The following MAN2A1 variants were observed in gnomAD, a reference collection of about 807,000 sequenced individuals.
The protein encoded by MAN2A1 is mannosidase alpha class 2A member 1.
Under a neutral mutation model 142.6 loss-of-function variants are expected in MAN2A1, and 76 were observed. The ratio of observed to expected loss-of-function variants is 0.53; its 90% CI spans 0.44 to 0.65. The LOEUF (loss-of-function observed/expected upper bound fraction) is 0.65, where lower values mean the gene tolerates loss of function less well. Among genes scored for constraint, MAN2A1 ranks in the 30% least tolerant of loss-of-function variants. The pLI is 0.00. For synonymous variants in MAN2A1, 559 were observed against 473.2 expected, an observed-to-expected ratio of 1.18 and a Z score of -2.35; for missense variants, 1,311 against 1,365.1, an observed-to-expected ratio of 0.96 and a Z score of 0.62.
Position 109,804,244 on chromosome 5 carries a change from C to T in MAN2A1, c.1944-13029C>T, listed in dbSNP as rs1754105631. The T allele has an allele frequency of 5.1e-6, 5 of 987,198 alleles. No homozygotes were observed. The African/African-American group carries it at 5.2e-5, about 10-fold the overall frequency. The allele number at this position is 987,198 out of a possible 1,614,324, so 61.2% of individuals were successfully genotyped here. A position where few individuals can be genotyped will look rare whatever the true frequency, so the allele number is the denominator to read the frequency against. ...AAAAAGTCAGGGAGGGCTTCAAGCC[C>T]ATCTTGGACTTCAGAACACCTCACA... On this transcript the variant is annotated intron_variant, in intron 12 of 21. Coordinates refer to ENST00000261483, the MANE Select transcript of MAN2A1 (RefSeq NM_002372.4).
chr5:109,867,692 A>G lies in MAN2A1; in HGVS notation c.*694A>G, dbSNP rs554110695. The G allele has an allele frequency of 1.3e-5, 2 of 152,616 alleles. No individual in the cohort carries two copies. The highest frequency in any genetic ancestry group is 2.4e-5 in the African/African-American group (1 of 41,448). 9.5% of individuals were successfully genotyped at this position (152,616 alleles called of 1,614,324 possible). ...ATGTGGGATGGGTGCAATTTATTCC[A>G]TCTTCACTAAAATAGAAGCAATTCC... On this transcript the variant is annotated 3_prime_UTR_variant, in exon 22 of 22. Transcript: ENST00000261483.
intron 12 of MAN2A1, among the ~76,000 whole-genome samples, chr5:109,795,803 G>A (rs1753842172): frequency 6.6e-6 from 1 of 152,128 alleles, no homozygotes; most frequent in Non-Finnish European, 1.5e-5. Flanking sequence ...AGGAAGTTAG[G>A]TAGCTTTTCT....
intron 18 of MAN2A1, among the ~76,000 whole-genome samples, chr5:109,846,776 C>G (rs2112763527): frequency 6.6e-6 from 1 of 152,274 alleles, no homozygotes; most frequent in African/African-American, 2.4e-5. Context: ...GTATCTTACA[C>G]ACACACACAA....
rs1451724279 is a variant in MAN2A1 at position 109,713,518 on chromosome 5, A to G, written c.136-2A>G. The stretch of plus-strand genomic sequence containing the variant: ...TAGCTGCCTTTTTCTTTTTTATTGT[A>G]GGGCCAGCTCTCAATGTTGCAAGAA... On this transcript the variant is annotated splice_acceptor_variant, in intron 1 of 21. Transcript: ENST00000261483. LOFTEE classifies it high-confidence loss of function. 6.3e-7 allele frequency: 1 copy of G among 1,588,188 alleles called. No homozygotes were observed. The highest frequency in any genetic ancestry group is 1.8e-5 in the Admixed American group (1 of 55,804).
chr5:109,836,055 G>A (rs776188218), intron 16 of MAN2A1, among the ~76,000 whole-genome samples: 11 of 152,022 alleles, frequency 7.2e-5, no homozygotes, highest in African/African-American at 1.7e-4. Flanking sequence ...CAGGCATGGC[G>A]TGTGTCGGGC....
chr5:109,702,035 G>A (rs540217659), intron 1 of MAN2A1, among the ~76,000 whole-genome samples: 3 of 152,306 alleles, frequency 2.0e-5, no homozygotes, highest in African/African-American at 7.2e-5. Flanking sequence ...CTTGGGGACT[G>A]TGCTTAGTGA....
Position 109,822,823 on chromosome 5 carries a change from A to G in MAN2A1, c.2452-900A>G, listed in dbSNP as rs563153534. ...CTCCCGAGTAGCTGGGACTACAGGC[A>G]CCCGCCACCAAGTCTGGCTAATTTT... On this transcript the variant is annotated intron_variant, in intron 15 of 21. Transcript: ENST00000261483. Among the ~76,000 whole-genome samples the G allele has an allele frequency of 1.9e-3, 287 of 152,026 alleles. No individual in the cohort carries two copies. The Middle Eastern group carries it at 0.024, about 13-fold the overall frequency.
At chr5:109,705,723 C>G (rs886195674) in intron 1 of MAN2A1, among the ~76,000 whole-genome samples, 1 of 152,178 alleles carries the variant, frequency 6.6e-6, no homozygotes, top group Non-Finnish European at 1.5e-5. Context: ...CCCTACTGGA[C>G]TAAAATAAAG....
intron 3 of MAN2A1, 36 bp downstream of exon 3, chr5:109,716,300 A>C: frequency 6.4e-7 from 1 of 1,568,066 alleles, no homozygotes; most frequent in Non-Finnish European, 8.7e-7. Context: ...GGAGGTTATT[A>C]AGTTTCTTTA....
intron 12 of MAN2A1, among the ~76,000 whole-genome samples, chr5:109,816,586 AT>A (rs1310579451): frequency 1.3e-5 from 2 of 152,184 alleles, no homozygotes; most frequent in African/African-American, 2.4e-5. Context: ...GATTTTCCAT[AT>A]ATAGCCATAC....
chr5:109,789,075 T>A, intron 11 of MAN2A1, 27 bp downstream of exon 11: 1 of 1,129,250 alleles, frequency 8.9e-7, no homozygotes. Flanking sequence ...ATGGTCATCA[T>A]AAAAATGTGT....
intron 11 of MAN2A1, 54 bp downstream of exon 11, chr5:109,789,102 C>T: frequency 1.1e-6 from 1 of 886,216 alleles, no homozygotes; most frequent in Non-Finnish European, 1.8e-6. Flanking sequence ...ATTGTTCTTG[C>T]ATTAGCAAAG....
chr5:109,846,998 TA>T (rs11306329), intron 18 of MAN2A1, among the ~76,000 whole-genome samples: 58,422 of 151,904 alleles, frequency 0.38, 11,850 homozygotes, highest in African/African-American at 0.52. Flanking sequence ...CCAGTGTTGC[TA>T]AATTCAATTT....
At chr5:109,746,109 G>C (rs1219806553) in intron 4 of MAN2A1, among the ~76,000 whole-genome samples, 1 of 152,122 alleles carries the variant, frequency 6.6e-6, no homozygotes, top group Admixed American at 6.5e-5. Context: ...CGAGTAGCTG[G>C]GATTACAGGC....
chr5:109,758,057 T>C (rs1471765285), intron 5 of MAN2A1, among the ~76,000 whole-genome samples: 1 of 152,162 alleles, frequency 6.6e-6, no homozygotes, highest in Non-Finnish European at 1.5e-5. Flanking sequence ...GTAGAATTGC[T>C]GAGTTATATG....
chr5:109,865,209 G>T, intron 21 of MAN2A1, 63 bp downstream of exon 21: 1 of 1,155,766 alleles, frequency 8.7e-7, no homozygotes, highest in Non-Finnish European at 1.3e-6. Flanking sequence ...TTCTGCAAAG[G>T]ATCTTGACAA....
chr5:109,862,147 C>G (rs769826224), intron 20 of MAN2A1, among the ~76,000 whole-genome samples: 4 of 152,186 alleles, frequency 2.6e-5, no homozygotes, highest in Non-Finnish European at 5.9e-5. Flanking sequence ...GGACTCTTCA[C>G]AGGTCCAGCT....
rs768163836 is a variant in MAN2A1, at chr5:109,817,357, C to G, written c.2028C>G (p.Phe676Leu). The G allele has an allele frequency of 1.9e-6, 3 of 1,614,058 alleles. No homozygotes were observed. The South Asian group carries it at 3.3e-5, about 18-fold the overall frequency. Residue 676 changes from phenylalanine to leucine, a missense_variant, in exon 13 of 22, where the codon TTC (phenylalanine) becomes TTG (leucine). This residue lies in a region of MAN2A1 where 890 missense variants were observed against 920.5 expected (regional missense o/e 0.97). Transcript: ENST00000261483. ...TGAGTTCCCCGACAGTGCAAGTGTTCTCTGCTTCAGGAAAACCTGTGGAAG... is the reference window on the plus strand; with the variant it reads ...TGAGTTCCCCGACAGTGCAAGTGTTGTCTGCTTCAGGAAAACCTGTGGAAG... ...VYVSSPTVQV[F>L]SASGKPVEVQ... is the part of the protein sequence containing the mutation.
chr5:109,822,158 G>C (rs530884244), intron 15 of MAN2A1, among the ~76,000 whole-genome samples: 46 of 145,952 alleles, frequency 3.2e-4, no homozygotes, highest in Non-Finnish European at 5.7e-4. Context: ...TTTTTTGGCT[G>C]TTTGGGGTTT....
Sources: gnomAD v4.1 joint callset for allele counts (sites outside exome capture counted in the v4.1 genomes callset) on GRCh38, gnomAD v4.1.1 for gene constraint, gnomAD v4.1.1 regional missense constraint, MANE v1.5 for transcripts, NCBI Gene and HGNC (gene_info 2026-07-23, HGNC 2026-07-21) for gene names.